Variants in CACNA2D4 observed in about 807,000 individuals in gnomAD.
The protein encoded by CACNA2D4 is voltage-dependent calcium channel subunit alpha-2/delta-4.
A neutral mutation model predicts 163.8 loss-of-function variants in CACNA2D4; 157 were observed. That is an observed-to-expected ratio of 0.96 (90% CI 0.84 to 1.09). CACNA2D4 has a LOEUF of 1.09. Among genes scored for constraint, CACNA2D4 ranks in the 50% least tolerant of loss-of-function variants. CACNA2D4 has a pLI of 0.00. For missense variants in CACNA2D4, 1,410 were observed against 1,479.9 expected, an observed-to-expected ratio of 0.95 and a Z score of 0.78; for synonymous variants, 598 against 586.9, an observed-to-expected ratio of 1.02 and a Z score of -0.27.
chr12:1,906,187 A>G (rs1439159677), intron 6 of CACNA2D4, among the ~76,000 whole-genome samples: 2 of 152,222 alleles, frequency 1.3e-5, no homozygotes, highest in Non-Finnish European at 2.9e-5. Flanking sequence ...CTAAAAACGG[A>G]AATGTAAGAC....
intron 16 of CACNA2D4, among the ~76,000 whole-genome samples, chr12:1,877,539 A>G (rs894557412): frequency 3.3e-5 from 5 of 152,200 alleles, no homozygotes; most frequent in Admixed American, 3.3e-4. Context: ...TGTCTATTTG[A>G]ACCAAATGGA....
chr12:1,882,836 T>G (rs2154449621), intron 13 of CACNA2D4, 31 bp downstream of exon 13: 2 of 1,612,120 alleles, frequency 1.2e-6, no homozygotes, highest in East Asian at 2.2e-5. Context: ...TGAGGTGGGC[T>G]TCTCGAGCTG....
chr12:1,876,092 G>A (rs1014012425), intron 16 of CACNA2D4, among the ~76,000 whole-genome samples: 1 of 152,190 alleles, frequency 6.6e-6, no homozygotes, highest in Admixed American at 6.5e-5. Flanking sequence ...GTAAGCTTGG[G>A]CACTGAGTAT....
chr12:1,795,746 G>A lies in CACNA2D4; in HGVS notation c.3148C>T (p.Leu1050Phe), dbSNP rs372492562. ...FVVQQIPNSNLLLLVTDPTCD... is the reference protein window; with the variant it reads ...FVVQQIPNSNFLLLVTDPTCD... ...GTGGGGTCTGTCACCAGGAGGAGGA[G>A]GTTACTGTTGGGAATCTGCTGCACC... The change falls in exon 36 of 38, where the codon CTC (leucine) becomes TTC (phenylalanine). Residue 1050 changes from leucine (L) to phenylalanine (F), a missense_variant. By Grantham distance (22) the Leu-to-Phe change is conservative. Coordinates refer to ENST00000382722, the MANE Select transcript of CACNA2D4 (RefSeq NM_172364.5). 6 of 1,613,442 alleles carry A rather than the reference G, an allele frequency of 3.7e-6. No homozygotes were observed. Among genetic ancestry groups the A allele is most frequent in the East Asian group, 2.2e-5 (1 of 44,876 alleles).
At chr12:1,881,357 C>T in intron 13 of CACNA2D4, among the ~76,000 whole-genome samples, 1 of 152,242 alleles carries the variant, frequency 6.6e-6, no homozygotes, top group Non-Finnish European at 1.5e-5. Context: ...CCTCTACCCA[C>T]CTTCTGCCAA....
intron 29 of CACNA2D4, among the ~76,000 whole-genome samples, chr12:1,804,121 CTGTG>C (rs57706301): frequency 0.07 from 9,735 of 138,946 alleles, 425 homozygotes; most frequent in East Asian, 0.25. Context: ...ATTCTAGTTA[CTGTG>C]TGTGTGTGTG....
chr12:1,903,540 C>T (rs776089504), intron 6 of CACNA2D4, among the ~76,000 whole-genome samples: 27 of 151,464 alleles, frequency 1.8e-4, no homozygotes, highest in Admixed American at 3.3e-4. Context: ...ATCAAATAAT[C>T]GATTTTTAAA....
At chr12:1,856,951 G>C (rs570096380) in intron 20 of CACNA2D4, among the ~76,000 whole-genome samples, 2 of 152,350 alleles carry the variant, frequency 1.3e-5, no homozygotes, top group Admixed American at 1.3e-4. Context: ...AGCTGGAAGG[G>C]GAGCTCCCTT....
rs1310057427 is a variant in CACNA2D4, at chr12:1,800,406, C to G, written c.2901G>C (p.Trp967Cys). The G allele has an allele frequency of 1.2e-6, 2 of 1,613,852 alleles. No homozygotes were observed. Among genetic ancestry groups the G allele is most frequent in the Admixed American group, 1.7e-5 (1 of 60,006 alleles). The change falls in exon 32 of 38, where the codon TGG (tryptophan) becomes TGC (cysteine). Residue 967 changes from tryptophan to cysteine, a missense_variant. Physicochemically the swap from Trp to Cys is radical, Grantham distance 215. Coordinates refer to ENST00000382722, the MANE Select transcript of CACNA2D4 (RefSeq NM_172364.5). ...CTCACAGCACCAGCTCCTGCAGCAG[C>G]CACCTGGTCGCCGTCAAGAAGGCAG... is the stretch of plus-strand genomic sequence containing the variant. ...PISAFLTATRWLLQELVLFLL... is the reference protein window; with the variant it reads ...PISAFLTATRCLLQELVLFLL...
chr12:1,905,889 G>T (rs945318151), intron 6 of CACNA2D4, among the ~76,000 whole-genome samples: 1 of 152,022 alleles, frequency 6.6e-6, no homozygotes, highest in Non-Finnish European at 1.5e-5. Context: ...AATTTGGGGG[G>T]AAAGAAAAAC....
chr12:1,857,904 G>A (rs1459042372), intron 20 of CACNA2D4, among the ~76,000 whole-genome samples: 1 of 152,174 alleles, frequency 6.6e-6, no homozygotes, highest in Non-Finnish European at 1.5e-5. Context: ...CCATATGAGT[G>A]GTGTCCTTAT....
At chr12:1,811,378 G>A (rs1455021668) in intron 27 of CACNA2D4, among the ~76,000 whole-genome samples, 9 of 152,202 alleles carry the variant, frequency 5.9e-5, no homozygotes, top group Admixed American at 3.9e-4. Flanking sequence ...ACGGTGGATC[G>A]AGGTGGCTCT....
intron 29 of CACNA2D4, chr12:1,809,307 C>G: frequency 1.8e-6 from 1 of 562,880 alleles, no homozygotes; most frequent in Non-Finnish European, 3.1e-6. Flanking sequence ...ATCCCAGGAA[C>G]TTAGAGCCCT....
intron 29 of CACNA2D4, among the ~76,000 whole-genome samples, chr12:1,804,352 T>G (rs184893421): frequency 1.3e-5 from 2 of 152,266 alleles, no homozygotes; most frequent in East Asian, 3.9e-4. Flanking sequence ...CAGACAAGGC[T>G]TCTGACGAGG....
chr12:1,825,457 G>A lies in CACNA2D4; in HGVS notation c.2552-13734C>T, dbSNP rs571907910. Among the ~76,000 whole-genome samples the A allele has an allele frequency of 6.1e-4, 93 of 152,336 alleles. 1 individual carries two copies. The highest frequency in any genetic ancestry group is 2.1e-3 in the African/African-American group (89 of 41,570). On this transcript the variant is annotated intron_variant, in intron 26 of 37. Coordinates refer to ENST00000382722, the MANE Select transcript of CACNA2D4 (RefSeq NM_172364.5). ...ATGGGTTAGGGACTGCTCTGCAGGG[G>A]TTCTCTCTAGACCTTAGTTCCAGGC...
At chr12:1,838,286 C>T (rs747765861) in intron 26 of CACNA2D4, among the ~76,000 whole-genome samples, 1 of 152,170 alleles carries the variant, frequency 6.6e-6, no homozygotes, top group Non-Finnish European at 1.5e-5. Flanking sequence ...CGTGGCTGGG[C>T]TGAGTGCCCG....
rs1265736070 is a variant in CACNA2D4, at chr12:1,915,025, G to C, written c.228-90C>G. 4 of 936,358 alleles carry C rather than the reference G, an allele frequency of 4.3e-6. No homozygotes were observed. The Admixed American group carries it at 7.2e-5, about 17-fold the overall frequency. 58.0% of individuals were successfully genotyped at this position (936,358 alleles called of 1,614,324 possible). ...GTAGACATATGGGTTCACACACATA[G>C]AAAGCCAGTGTCTACACACAGACAC... On this transcript the variant is annotated intron_variant, in intron 1 of 37. Coordinates refer to ENST00000382722, the MANE Select transcript of CACNA2D4 (RefSeq NM_172364.5).
At chr12:1,795,884 G>A (rs1361011832) in intron 35 of CACNA2D4, 104 bp from the exon 36 acceptor site, 1 of 790,452 alleles carries the variant, frequency 1.3e-6, no homozygotes, top group African/African-American at 1.7e-5. Flanking sequence ...GGGTGGCAGG[G>A]AAGCCCGGAA....
intron 26 of CACNA2D4, among the ~76,000 whole-genome samples, chr12:1,832,527 G>A (rs1864680252): frequency 6.6e-6 from 1 of 152,204 alleles, no homozygotes; most frequent in Non-Finnish European, 1.5e-5. Context: ...CAACATTTAA[G>A]TGGTGAAAAT....
Sources: gnomAD v4.1 joint callset for allele counts (sites outside exome capture counted in the v4.1 genomes callset) on GRCh38, gnomAD v4.1.1 for gene constraint, MANE v1.5 for transcripts, NCBI Gene and HGNC (gene_info 2026-07-23, HGNC 2026-07-21) for gene names.